SUMF1: variants seen among roughly 807,000 people sequenced by gnomAD.
The protein encoded by SUMF1 is formylglycine-generating enzyme.
SUMF1 carries 48 observed loss-of-function variants against 47.6 expected under a neutral mutation model. That is an observed-to-expected ratio of 1.01 (90% confidence interval 0.80 to 1.28). The LOEUF is 1.28. Among genes scored for constraint, SUMF1 ranks in the 50% most tolerant of loss-of-function variants. The pLI is 0.00. For missense variants in SUMF1, 571 were observed against 485.4 expected (o/e 1.18, Z -1.66); for synonymous variants, 230 against 192.1 (o/e 1.20, Z -1.63).
chr3:4,460,662 A>T (rs2079791062), intron 1 of SUMF1, among the ~76,000 whole-genome samples: 1 of 148,600 alleles, frequency 6.7e-6, no homozygotes, highest in African/African-American at 2.5e-5. Flanking sequence ...ATATATATAT[A>T]TATATTTTTT....
chr3:4,369,071 C>G (rs1246251145), intron 8 of SUMF1, among the ~76,000 whole-genome samples: 17 of 147,512 alleles, frequency 1.2e-4, no homozygotes. Context: ...TTAAATTATT[C>G]TCTTTTCTCT....
chr3:4,167,589 C>T (rs1694736953), intron 8 of SUMF1, among the ~76,000 whole-genome samples: 1 of 152,076 alleles, frequency 6.6e-6, no homozygotes, highest in African/African-American at 2.4e-5. Context: ...TTGCTAGCTA[C>T]AGAGCGCTGA....
At chr3:4,089,358 C>T (rs1692735964) in intron 8 of SUMF1, among the ~76,000 whole-genome samples, 1 of 152,158 alleles carries the variant, frequency 6.6e-6, no homozygotes, top group African/African-American at 2.4e-5. Flanking sequence ...TGTAAAACTG[C>T]TTGCCTAGAA....
At position 4,105,522 on chromosome 3, in the gene SUMF1, G is replaced by A. The variant is rs375521399; in HGVS notation, c.1015-36777C>T. On this transcript the variant is annotated intron_variant and NMD_transcript_variant, in intron 8 of 12. Transcript: ENST00000448413. Reference sequence around the variant, plus strand: ...AAGGAACATCATTGAATGAAATACTGAAAAGAGGTAAGAAAAGCAGAATAA... The same window carrying A: ...AAGGAACATCATTGAATGAAATACTAAAAAGAGGTAAGAAAAGCAGAATAA... Among the ~76,000 whole-genome samples, 61 of 152,142 alleles carry A rather than the reference G, an allele frequency of 4.0e-4. No homozygotes were observed. In the South Asian group the frequency reaches 0.013, roughly 32 times the overall value.
chr3:4,420,454 G>C (rs1347822672), intron 3 of SUMF1, among the ~76,000 whole-genome samples: 1 of 150,676 alleles, frequency 6.6e-6, no homozygotes, highest in South Asian at 2.1e-4. Context: ...GGAGTGCAGG[G>C]GTTGCAATCT....
rs1197840908 is a variant in SUMF1 at position 4,293,878 on chromosome 3, A to G, written c.1014+82452T>C. On this transcript the variant is annotated intron_variant and NMD_transcript_variant, in intron 8 of 12. Coordinates refer to the SUMF1 transcript ENST00000448413. ...ACTGTTTATGTTTTCTAATTTCAAGATTTCTAATCCTTTCATTCCTGCACA... is the reference window on the plus strand; with the variant it reads ...ACTGTTTATGTTTTCTAATTTCAAGGTTTCTAATCCTTTCATTCCTGCACA... Among the ~76,000 whole-genome samples, 4 of 152,178 alleles carry G rather than the reference A, an allele frequency of 2.6e-5. No individual in the cohort carries two copies. The East Asian group carries it at 7.7e-4, about 29-fold the overall frequency.
chr3:4,409,720 T>C (rs779807127), intron 7 of SUMF1, among the ~76,000 whole-genome samples: 1 of 152,206 alleles, frequency 6.6e-6, no homozygotes, highest in Non-Finnish European at 1.5e-5. Flanking sequence ...CGCTGGAAAG[T>C]AAAAGAAACT....
intron 8 of SUMF1, among the ~76,000 whole-genome samples, chr3:4,326,447 A>C (rs1386795267): frequency 6.6e-6 from 1 of 151,656 alleles, no homozygotes; most frequent in Non-Finnish European, 1.5e-5. Flanking sequence ...AGAAAATGAC[A>C]TTCTCTACTT....
In SUMF1 at chr3:4,440,661, T is replaced by A. The variant is rs150592181; in HGVS notation, c.519+8605A>T. Among the ~76,000 whole-genome samples, 55 of 152,354 alleles carry A rather than the reference T, an allele frequency of 3.6e-4. No individual in the cohort carries two copies. The East Asian group carries it at 7.3e-3, about 20-fold the overall frequency. ...TGACTGCCTAGAAATTAGTTTTTAC[T>A]GCAGGGGGAAAAAAGATGCTTGGTA... On this transcript the variant is annotated intron_variant, in intron 3 of 8. Transcript: ENST00000272902.
At position 4,224,610 on chromosome 3, in the gene SUMF1, A is replaced by G. The variant is rs182197795; in HGVS notation, c.1014+151720T>C. On this transcript the variant is annotated intron_variant and NMD_transcript_variant, in intron 8 of 12. Transcript: ENST00000448413. ...AGATTCAGGATGGGCTCCTGCCACA[A>G]TGGTATACACCTGCTGAATGTCAGC... Among the ~76,000 whole-genome samples the G allele has an allele frequency of 2.3e-4, 35 of 152,066 alleles. No homozygotes were observed. The East Asian group carries it at 5.4e-3, about 24-fold the overall frequency.
chr3:4,260,457 T>G (rs1470420313), intron 8 of SUMF1, among the ~76,000 whole-genome samples: 1 of 152,228 alleles, frequency 6.6e-6, no homozygotes, highest in Non-Finnish European at 1.5e-5. Flanking sequence ...GTTTAAAATA[T>G]GTAAGCCAAT....
chr3:4,305,317 C>T (rs1453521889), intron 8 of SUMF1, among the ~76,000 whole-genome samples: 1 of 152,130 alleles, frequency 6.6e-6, no homozygotes, highest in Admixed American at 6.5e-5. Context: ...AACTCCTGAC[C>T]TCAAGTGATC....
At chr3:4,388,778 C>T (rs1333640134) in intron 7 of SUMF1, among the ~76,000 whole-genome samples, 1 of 152,070 alleles carries the variant, frequency 6.6e-6, no homozygotes, top group African/African-American at 2.4e-5. Context: ...TATTCATAAA[C>T]ATATCACTCT....
chr3:4,234,447 G>A (rs765136031), intron 8 of SUMF1, among the ~76,000 whole-genome samples: 10 of 151,992 alleles, frequency 6.6e-5, no homozygotes, highest in Non-Finnish European at 1.3e-4. Context: ...ACTTTATAAT[G>A]CTAACTCCCT....
chr3:4,336,645 A>T (rs536219885), intron 8 of SUMF1, among the ~76,000 whole-genome samples: 1 of 152,368 alleles, frequency 6.6e-6, no homozygotes, highest in South Asian at 2.1e-4. Flanking sequence ...AACAAATTAT[A>T]TGGAAAAATA....
chr3:4,313,454 A>C lies in SUMF1; in HGVS notation c.1014+62876T>G, dbSNP rs61731496. 3,827 of 1,613,954 alleles carry C rather than the reference A, an allele frequency of 2.4e-3. 76 individuals are homozygous for C. In the African/African-American group the frequency reaches 0.045, roughly 19 times the overall value. ...CTTTTGATGATTCCTGTCCGAATTG[A>C]CTCAATGGTACCTAAGTTGGCACTT... On this transcript the variant is annotated intron_variant and NMD_transcript_variant, in intron 8 of 12. Coordinates refer to the SUMF1 transcript ENST00000448413.
At position 4,217,512 on chromosome 3, in the gene SUMF1, TTTTATA is replaced by T. The variant is rs1465776968; in HGVS notation, c.1015-148773_1015-148768del. On this transcript the variant is annotated intron_variant and NMD_transcript_variant, in intron 8 of 12. Transcript: ENST00000448413. Reference sequence around the variant, plus strand: ...CATGTATCCCAGAACTTAAAGTATTTTTTATATATATATATATATATATATATGAAG... The same window carrying T: ...CATGTATCCCAGAACTTAAAGTATTTTATATATATATATATATATATGAAG... Among the ~76,000 whole-genome samples the T allele has an allele frequency of 1.1e-4, 5 of 47,512 alleles. 1 individual carries two copies. The highest frequency in any genetic ancestry group is 4.5e-4 in the African/African-American group (4 of 8,848). The allele number at this position is 47,512 out of a possible 152,430, so 31.2% of individuals were successfully genotyped here.
chr3:4,349,429 T>A (rs1699440580), intron 8 of SUMF1, among the ~76,000 whole-genome samples: 1 of 152,186 alleles, frequency 6.6e-6, no homozygotes, highest in African/African-American at 2.4e-5. Flanking sequence ...AGTATGGTGA[T>A]TCCCCAAGGA....
At chr3:4,374,544 T>C (rs1700265258) in intron 8 of SUMF1, among the ~76,000 whole-genome samples, 1 of 152,242 alleles carries the variant, frequency 6.6e-6, no homozygotes, top group Admixed American at 6.5e-5. Context: ...TAAAATGTTT[T>C]TTACAAGCTT....
Sources: gnomAD v4.1 joint callset for allele counts (sites outside exome capture counted in the v4.1 genomes callset) on GRCh38, gnomAD v4.1.1 for gene constraint, MANE v1.5 for transcripts, NCBI Gene and HGNC (gene_info 2026-07-23, HGNC 2026-07-21) for gene names.